HERC2: variants seen among roughly 807,000 people sequenced by gnomAD.
The protein encoded by HERC2 is HECT and RLD domain containing E3 ubiquitin protein ligase 2, also known as E3 ubiquitin-protein ligase HERC2.
HERC2 carries 102 observed loss-of-function variants against 537.7 expected under a neutral mutation model. The ratio of observed to expected loss-of-function variants is 0.19; its 90% CI spans 0.16 to 0.22. The LOEUF is 0.22. Ranked by LOEUF, HERC2 falls within the 10% of genes least tolerant of loss-of-function variation. The pLI is 1.00. For missense variants in HERC2, 4,236 were observed against 6,198.2 expected (o/e 0.68, Z 10.63); for synonymous variants, 2,224 against 2,466.2 (o/e 0.90, Z 2.91).
intron 26 of HERC2, among the ~76,000 whole-genome samples, chr15:28,236,303 C>CTTTT (rs3081985): frequency 6.6e-6 from 1 of 151,678 alleles, no homozygotes; most frequent in African/African-American, 2.4e-5. Flanking sequence ...TCCGCCTCTC[C>CTTTT]TTTTGAGACG....
At chr15:28,210,813 C>T (rs1243206186) in intron 44 of HERC2, among the ~76,000 whole-genome samples, 189 bp downstream of exon 44, 1 of 152,112 alleles carries the variant, frequency 6.6e-6, no homozygotes, top group African/African-American at 2.4e-5. Flanking sequence ...CCACCAGATG[C>T]CCTCAGTCTT....
At chr15:28,173,733 G>A (rs1247982043) in intron 65 of HERC2, among the ~76,000 whole-genome samples, 1 of 151,152 alleles carries the variant, frequency 6.6e-6, no homozygotes, top group Non-Finnish European at 1.5e-5. Flanking sequence ...AGCCCAGGAG[G>A]TGGAAGCTGC....
At chr15:28,193,361 ATGAG>A (rs1264145882) in intron 52 of HERC2, among the ~76,000 whole-genome samples, 3 of 152,228 alleles carry the variant, frequency 2.0e-5, no homozygotes, top group Admixed American at 6.5e-5. Flanking sequence ...TAAGAACTTA[ATGAG>A]TAAGTTTAGA....
chr15:28,256,362 G>A lies in HERC2; in HGVS notation c.2518-45C>T, dbSNP rs772323396. 7 of 1,302,152 alleles carry A rather than the reference G, an allele frequency of 5.4e-6. No individual in the cohort carries two copies. In the South Asian group the frequency reaches 6.5e-5, roughly 12 times the overall value. The allele number at this position is 1,302,152 out of a possible 1,614,324, so 80.7% of individuals were successfully genotyped here. A position where few individuals can be genotyped will look rare whatever the true frequency, so the allele number is the denominator to read the frequency against. ...TTTCACTTAGAACCCCTAAAAATGAGTGAATTTCAAAGTCTTATTAAACAC... is the reference window on the plus strand; with the variant it reads ...TTTCACTTAGAACCCCTAAAAATGAATGAATTTCAAAGTCTTATTAAACAC... On this transcript the variant is annotated intron_variant, in intron 17 of 92. Coordinates refer to ENST00000261609, the MANE Select transcript of HERC2 (RefSeq NM_004667.6).
At chr15:28,279,641 A>ACACACACACACACC (rs2075970394) in intron 5 of HERC2, among the ~76,000 whole-genome samples, 1 of 151,552 alleles carries the variant, frequency 6.6e-6, no homozygotes, top group African/African-American at 2.4e-5. Flanking sequence ...ACACACACAC[A>ACACACACACACACC]CACACACACA....
intron 63 of HERC2, among the ~76,000 whole-genome samples, 156 bp from the exon 64 acceptor site, chr15:28,175,812 T>C (rs1032852750): frequency 1.3e-5 from 2 of 152,228 alleles, no homozygotes; most frequent in Non-Finnish European, 2.9e-5. Context: ...TCATACACCA[T>C]TAATTCAAAT....
At chr15:28,247,609 T>C (rs1302423752) in intron 21 of HERC2, among the ~76,000 whole-genome samples, 5 of 152,062 alleles carry the variant, frequency 3.3e-5, no homozygotes, top group Admixed American at 3.3e-4. Flanking sequence ...TTTGTATTTT[T>C]AGTAGAGACG....
At chr15:28,301,470 A>G (rs565916438) in intron 2 of HERC2, among the ~76,000 whole-genome samples, 2 of 151,556 alleles carry the variant, frequency 1.3e-5, no homozygotes, top group South Asian at 4.2e-4. Context: ...GACCAAATTT[A>G]TAATAATTAT....
At chr15:28,181,636 T>TG (rs1039456166) in intron 57 of HERC2, among the ~76,000 whole-genome samples, 5 of 152,252 alleles carry the variant, frequency 3.3e-5, no homozygotes, top group African/African-American at 1.2e-4. Flanking sequence ...GAATTTGCTT[T>TG]GTGGCTCCTC....
intron 23 of HERC2, among the ~76,000 whole-genome samples, chr15:28,245,576 C>T (rs1235969778): frequency 1.0e-4 from 7 of 70,186 alleles, no homozygotes; most frequent in African/African-American, 3.1e-4. Context: ...TACACACACA[C>T]ACACACACAC....
chr15:28,122,155 G>A lies in HERC2; in HGVS notation c.13189-726C>T, dbSNP rs182462952. On this transcript the variant is annotated intron_variant, in intron 85 of 92. Transcript: ENST00000261609. The surrounding 1 kb of genome is among the most constrained non-coding windows in gnomAD (Gnocchi z 4.1). Reference sequence around the variant, plus strand: ...GGCTGGGATCACACTAAAAGAAATCGGGAGTGCCTGGGGTGAAGACAGCAG... The same window carrying A: ...GGCTGGGATCACACTAAAAGAAATCAGGAGTGCCTGGGGTGAAGACAGCAG... Among the ~76,000 whole-genome samples the A allele has an allele frequency of 6.6e-6, 1 of 152,190 alleles. No homozygotes were observed. The highest frequency in any genetic ancestry group is 1.5e-5 in the Non-Finnish European group (1 of 68,048).
At chr15:28,172,575 A>G (rs1894806656) in intron 65 of HERC2, among the ~76,000 whole-genome samples, 1 of 152,250 alleles carries the variant, frequency 6.6e-6, no homozygotes, top group South Asian at 2.1e-4. Context: ...ATCATGCCAA[A>G]AAAAGCCTTT....
Position 28,215,794 on chromosome 15 carries a change from T to C in HERC2, c.6037A>G (p.Asn2013Asp), listed in dbSNP as rs1256218754. Residue 2013 changes from asparagine to aspartate, a missense_variant, in exon 39 of 93, where the codon AAC becomes GAC. By Grantham distance (23) the Asn-to-Asp change is conservative. Coordinates refer to ENST00000261609, the MANE Select transcript of HERC2 (RefSeq NM_004667.6). Reference protein sequence around the residue: ...SGTTDKTSSPNRLVYREQHRS... With the variant: ...SGTTDKTSSPDRLVYREQHRS... ...TGTTGCTCCCTGTACACCAGCCTGT[T>C]TGGAGAAGCTGCAGGAGGGAAAATA... The C allele has an allele frequency of 2.5e-6, 4 of 1,606,320 alleles. No homozygotes were observed. Among genetic ancestry groups the C allele is most frequent in the Non-Finnish European group, 3.4e-6 (4 of 1,176,494 alleles).
intron 69 of HERC2, 102 bp from the exon 70 acceptor site, chr15:28,152,932 G>A: frequency 8.5e-7 from 1 of 1,179,610 alleles, no homozygotes; most frequent in Admixed American, 2.5e-5. Flanking sequence ...CACAAGGACA[G>A]CGTGGCAGAG....
intron 22 of HERC2, among the ~76,000 whole-genome samples, chr15:28,246,440 T>C (rs1344297829): frequency 6.6e-6 from 1 of 152,090 alleles, no homozygotes; most frequent in Non-Finnish European, 1.5e-5. Flanking sequence ...CTTAAATAGG[T>C]ACCTAATTTT....
At position 28,254,437 on chromosome 15, in the gene HERC2, T is replaced by G. The variant is rs1361969609; in HGVS notation, c.2953A>C (p.Arg985=). 3 of 1,608,208 alleles carry G rather than the reference T, an allele frequency of 1.9e-6. No individual in the cohort carries two copies. The African/African-American group carries it at 4.0e-5, about 22-fold the overall frequency. ...EANASTFHRS[R]TPLDKDLINT... is the part of the protein sequence containing the mutation. ...ATAAGGTCTTTATCCAGTGGAGTCC[T>G]GCTTCTATGAAATGTTGAGGCATTC... The change falls in exon 20 of 93, where the codon AGG becomes CGG. Residue 985 remains arginine, a synonymous_variant. Coordinates refer to ENST00000261609, the MANE Select transcript of HERC2 (RefSeq NM_004667.6).
intron 12 of HERC2, among the ~76,000 whole-genome samples, chr15:28,267,869 G>C (rs1016244795): frequency 1.3e-5 from 2 of 152,228 alleles, no homozygotes; most frequent in African/African-American, 4.8e-5. Flanking sequence ...TGCTGGGTTG[G>C]TGTGTACATA....
At chr15:28,202,047 G>A (rs573263512) in intron 47 of HERC2, 66 bp downstream of exon 47, 3 of 1,047,018 alleles carry the variant, frequency 2.9e-6, no homozygotes. Flanking sequence ...AAGCCAAGGT[G>A]TAAGACTGTT....
At chr15:28,166,680 A>G (rs546846408) in intron 68 of HERC2, among the ~76,000 whole-genome samples, 12 of 152,160 alleles carry the variant, frequency 7.9e-5, no homozygotes, top group Admixed American at 2.6e-4. Context: ...AGACAATGGA[A>G]CCAGTCCACA....
Sources: allele counts gnomAD v4.1 joint callset (sites outside exome capture counted in the v4.1 genomes callset), GRCh38; gene constraint gnomAD v4.1.1; non-coding constraint Gnocchi (gnomAD v3.1); transcripts MANE v1.5; gene names NCBI Gene and HGNC (gene_info 2026-07-23, HGNC 2026-07-21).